Variants in CORO2B observed in about 807,000 individuals in gnomAD.
CORO2B encodes coronin-2B.
A neutral mutation model predicts 58.8 loss-of-function variants in CORO2B; 26 were observed. The ratio of observed to expected loss-of-function variants is 0.44; its 90% CI spans 0.32 to 0.61. The LOEUF (loss-of-function observed/expected upper bound fraction) is 0.61. CORO2B is among the 20% of genes least tolerant of loss of function. The probability of loss-of-function intolerance (pLI) is 0.04; values close to 1 mark genes in which losing one functional copy is unlikely to be tolerated. For synonymous variants in CORO2B, 242 were observed against 253.8 expected (o/e 0.95, Z 0.44); for missense variants, 460 against 645.1 (o/e 0.71, Z 3.11).
At chr15:68,566,224 G>A in the CORO2B span, among the ~76,000 whole-genome samples, 1 of 152,314 alleles carries the variant, frequency 6.6e-6, no homozygotes, top group South Asian at 2.1e-4. Context: ...TGCAGCTGAT[G>A]TGTTTTGAGT....
At position 68,583,801 on chromosome 15, in the gene CORO2B, A is replaced by T. The variant is rs537313115; in HGVS notation, c.15+4524A>T. ...GGGTCTCCCTGGGAGAGGAAGTAAG[A>T]GAGCCAGCACCTCAGGAAGCCTTGG... On this transcript the variant is annotated intron_variant, in intron 1 of 11. Coordinates refer to ENST00000261861, the MANE Select transcript of CORO2B (RefSeq NM_006091.5). Among the ~76,000 whole-genome samples the T allele has an allele frequency of 3.3e-5, 5 of 152,302 alleles. No homozygotes were observed. The East Asian group carries it at 9.7e-4, about 29-fold the overall frequency.
chr15:68,570,098 T>G, the CORO2B span, among the ~76,000 whole-genome samples: 2 of 152,148 alleles, frequency 1.3e-5, no homozygotes, highest in Non-Finnish European at 2.9e-5. Flanking sequence ...ACTTGCAGGG[T>G]CCACCATTTC....
At chr15:68,668,432 T>C (rs1320252052) in intron 2 of CORO2B, among the ~76,000 whole-genome samples, 1 of 152,114 alleles carries the variant, frequency 6.6e-6, no homozygotes, top group Non-Finnish European at 1.5e-5. Context: ...CAGTGATGGG[T>C]GCTGTGAAGA....
chr15:68,711,535 C>T lies in CORO2B; in HGVS notation c.484-7C>T, dbSNP rs752998546. 1.9e-6 allele frequency: 3 copies of T among 1,608,710 alleles called. No individual in the cohort carries two copies. The highest frequency in any genetic ancestry group is 2.5e-6 in the Non-Finnish European group (3 of 1,176,566). ...TGACCCTGCCTCCCATGCATCTGCC[C>T]TCGCAGGTCCTCATCTGGAACCTGG... On this transcript the variant is annotated splice_region_variant and splice_polypyrimidine_tract_variant and intron_variant, in intron 4 of 11. Coordinates refer to ENST00000261861, the MANE Select transcript of CORO2B (RefSeq NM_006091.5).
Position 68,673,832 on chromosome 15 carries a change from GTCT to G in CORO2B, c.217-21307_217-21305del, listed in dbSNP as rs1240638734. 7.4e-5 allele frequency among the ~76,000 whole-genome samples: 4 copies of G among 53,750 alleles called. No individual in the cohort carries two copies. In the Admixed American group the frequency reaches 1.3e-3, roughly 18 times the overall value. The allele number at this position is 53,750 out of a possible 152,430, so 35.3% of individuals were successfully genotyped here. ...AGCCTGGGCAACAGAGCGAGACTCC[GTCT>G]AAAAAAAAAAAAAAAAAAAAAAAGG... On this transcript the variant is annotated intron_variant, in intron 2 of 11. Transcript: ENST00000261861.
At chr15:68,610,497 C>G (rs1378578103) in intron 1 of CORO2B, among the ~76,000 whole-genome samples, 3 of 152,104 alleles carry the variant, frequency 2.0e-5, no homozygotes, top group African/African-American at 7.2e-5. Context: ...ACCCCTTGCT[C>G]TTTCGCTCAC....
At chr15:68,624,890 C>A (rs574834548) in intron 1 of CORO2B, among the ~76,000 whole-genome samples, 26 of 152,142 alleles carry the variant, frequency 1.7e-4, no homozygotes, top group Non-Finnish European at 3.8e-4. Flanking sequence ...GCCATGTTGG[C>A]CAGGCTGGTC....
chr15:68,525,692 A>T, the CORO2B span, among the ~76,000 whole-genome samples: 1 of 152,250 alleles, frequency 6.6e-6, no homozygotes, highest in African/African-American at 2.4e-5. Context: ...TGTTTACAAA[A>T]TAAGCTGCTG....
chr15:68,662,913 G>C (rs1228789729), intron 2 of CORO2B, among the ~76,000 whole-genome samples: 1 of 151,980 alleles, frequency 6.6e-6, no homozygotes, highest in Non-Finnish European at 1.5e-5. Context: ...ATGCATTTAT[G>C]ACATACCTTT....
the CORO2B span, among the ~76,000 whole-genome samples, chr15:68,541,305 G>A: frequency 6.6e-6 from 1 of 152,014 alleles, no homozygotes; most frequent in African/African-American, 2.4e-5. Flanking sequence ...GTGATTTCAG[G>A]GTCATCATGT....
chr15:68,644,764 G>A (rs866603587), intron 1 of CORO2B, among the ~76,000 whole-genome samples: 4 of 152,068 alleles, frequency 2.6e-5, no homozygotes, highest in Non-Finnish European at 4.4e-5. Flanking sequence ...TCTGCTGTCC[G>A]CATCTCCCAT....
chr15:68,611,838 C>T (rs1486224534), intron 1 of CORO2B, among the ~76,000 whole-genome samples: 3 of 150,466 alleles, frequency 2.0e-5, no homozygotes, highest in African/African-American at 7.4e-5. Flanking sequence ...GTGGCATGAT[C>T]TCAGCTCACT....
chr15:68,575,573 A>T (rs1299188231), upstream of CORO2B, among the ~76,000 whole-genome samples: 4 of 17,644 alleles, frequency 2.3e-4, no homozygotes, highest in East Asian at 0.015. Flanking sequence ...TGACCTTGTG[A>T]TCTGCCCCCG....
chr15:68,622,244 G>A (rs1437326286), intron 1 of CORO2B, among the ~76,000 whole-genome samples: 1 of 152,202 alleles, frequency 6.6e-6, no homozygotes, highest in African/African-American at 2.4e-5. Context: ...GACTGCATGT[G>A]AAAATGGAGT....
At chr15:68,519,354 T>C in the CORO2B span, among the ~76,000 whole-genome samples, 13,846 of 152,230 alleles carry the variant, frequency 0.091, 1,319 homozygotes, top group African/African-American at 0.24. Context: ...AAGATAATGA[T>C]CAAGAATTTA....
intron 1 of CORO2B, among the ~76,000 whole-genome samples, chr15:68,618,507 G>A (rs1405312689): frequency 5.9e-5 from 9 of 152,254 alleles, no homozygotes; most frequent in Non-Finnish European, 1.3e-4. Context: ...AAGCAACAGT[G>A]TGATCAAAGG....
intron 2 of CORO2B, among the ~76,000 whole-genome samples, chr15:68,654,470 A>G (rs1197079342): frequency 6.6e-6 from 1 of 152,200 alleles, no homozygotes; most frequent in Non-Finnish European, 1.5e-5. Flanking sequence ...CATGGGCCCT[A>G]ACTCTGCCCA....
intron 11 of CORO2B, 77 bp from the exon 12 acceptor site, chr15:68,725,766 G>T: frequency 6.3e-7 from 1 of 1,579,880 alleles, no homozygotes; most frequent in Non-Finnish European, 8.6e-7. Flanking sequence ...CAGGCAGCTG[G>T]AGACTCACCT....
intron 1 of CORO2B, among the ~76,000 whole-genome samples, chr15:68,622,025 T>C (rs981556740): frequency 6.6e-6 from 1 of 152,164 alleles, no homozygotes; most frequent in Non-Finnish European, 1.5e-5. Context: ...CCCTAAGTGA[T>C]CTCCCGATCC....
Sources: gnomAD v4.1 joint callset for allele counts (sites outside exome capture counted in the v4.1 genomes callset) on GRCh38, gnomAD v4.1.1 for gene constraint, MANE v1.5 for transcripts, NCBI Gene and HGNC (gene_info 2026-07-23, HGNC 2026-07-21) for gene names.